RSPO2: variants seen among roughly 807,000 people sequenced by gnomAD.
RSPO2 encodes the protein R-spondin-2.
In RSPO2, 14 loss-of-function variants were observed where a neutral mutation model predicts 30.9. That is an observed-to-expected ratio of 0.45 (90% CI 0.30 to 0.71). RSPO2 has a LOEUF of 0.71. Among genes scored for constraint, RSPO2 ranks in the 30% least tolerant of loss-of-function variants. RSPO2 has a pLI of 0.08. For missense variants in RSPO2, 264 were observed against 301.9 expected (o/e 0.87, Z 0.93); for synonymous variants, 107 against 96.4 (o/e 1.11, Z -0.64).
chr8:108,033,752 T>C (rs774247755), intron 2 of RSPO2, among the ~76,000 whole-genome samples: 7 of 152,228 alleles, frequency 4.6e-5, no homozygotes, highest in African/African-American at 1.2e-4. Context: ...CAGACTCTTT[T>C]CAATGTCTTG....
At chr8:107,993,416 C>T (rs565337988) in intron 2 of RSPO2, among the ~76,000 whole-genome samples, 1 of 152,216 alleles carries the variant, frequency 6.6e-6, no homozygotes, top group Admixed American at 6.5e-5. Flanking sequence ...ATACACATGA[C>T]ATGAATGAAA....
At chr8:108,021,857 G>A (rs1251129749) in intron 2 of RSPO2, among the ~76,000 whole-genome samples, 2 of 151,990 alleles carry the variant, frequency 1.3e-5, no homozygotes, top group African/African-American at 4.8e-5. Flanking sequence ...ATGGGTTGAT[G>A]GGTGCAGCAA....
At chr8:108,017,427 G>C (rs974411956) in intron 2 of RSPO2, among the ~76,000 whole-genome samples, 1 of 152,140 alleles carries the variant, frequency 6.6e-6, no homozygotes, top group Non-Finnish European at 1.5e-5. Context: ...AGGAGGATGG[G>C]GAAAAGAAGT....
intron 2 of RSPO2, among the ~76,000 whole-genome samples, chr8:108,001,613 T>C (rs1162256673): frequency 6.6e-6 from 1 of 152,108 alleles, no homozygotes; most frequent in Non-Finnish European, 1.5e-5. Context: ...ACCAATAACA[T>C]TAATTAGTTG....
At chr8:108,070,896 A>G (rs1198070719) in intron 2 of RSPO2, among the ~76,000 whole-genome samples, 1 of 152,228 alleles carries the variant, frequency 6.6e-6, no homozygotes, top group Non-Finnish European at 1.5e-5. Context: ...TTCATAAAAT[A>G]CTTTTTTCTT....
intron 2 of RSPO2, among the ~76,000 whole-genome samples, chr8:108,004,170 G>C (rs1213979837): frequency 6.6e-6 from 1 of 152,130 alleles, no homozygotes. Flanking sequence ...CATCAAAAAG[G>C]ATAATGGGGG....
intron 2 of RSPO2, among the ~76,000 whole-genome samples, chr8:108,029,160 C>G (rs1317400127): frequency 1.4e-5 from 2 of 141,320 alleles, no homozygotes; most frequent in Non-Finnish European, 3.0e-5. Flanking sequence ...TCCAGCCCAC[C>G]ACATGTTTTT....
At chr8:107,932,518 G>C (rs1212202407) in intron 5 of RSPO2, among the ~76,000 whole-genome samples, 1 of 152,258 alleles carries the variant, frequency 6.6e-6, no homozygotes, top group East Asian at 1.9e-4. Context: ...ACGACATGCA[G>C]AAAGAGCTGG....
At chr8:107,965,824 CTTG>C (rs916963240) in intron 3 of RSPO2, among the ~76,000 whole-genome samples, 3 of 152,166 alleles carry the variant, frequency 2.0e-5, no homozygotes, top group African/African-American at 7.2e-5. Context: ...AAAAGCCATA[CTTG>C]TTGTAAAGAA....
Position 107,969,666 on chromosome 8 carries a change from AT to A in RSPO2, c.284-8850del, listed in dbSNP as rs1235215536. 3.9e-5 allele frequency among the ~76,000 whole-genome samples: 6 copies of A among 152,300 alleles called. No individual in the cohort carries two copies. In the South Asian group the frequency reaches 1.0e-3, roughly 26 times the overall value. On this transcript the variant is annotated intron_variant, in intron 3 of 5. Transcript: ENST00000276659. ...TAAGAACGTTAAATGCTTAAAGAGAATTTTTTTCCCATGGTGAAGGTGTGAA... is the reference window on the plus strand; with the variant it reads ...TAAGAACGTTAAATGCTTAAAGAGAATTTTTTCCCATGGTGAAGGTGTGAA...
At chr8:107,951,063 T>C (rs1403171623) in intron 5 of RSPO2, among the ~76,000 whole-genome samples, 2 of 151,154 alleles carry the variant, frequency 1.3e-5, no homozygotes, top group Non-Finnish European at 2.9e-5. Flanking sequence ...GTTGTTGTTG[T>C]TGTTGTTGTT....
chr8:107,961,313 G>C (rs751934557), intron 3 of RSPO2, among the ~76,000 whole-genome samples: 1 of 149,384 alleles, frequency 6.7e-6, no homozygotes, highest in Non-Finnish European at 1.5e-5. Flanking sequence ...ATTCATCAGA[G>C]GGTGACCTGG....
chr8:107,912,414 A>G (rs1244312431), intron 5 of RSPO2, among the ~76,000 whole-genome samples: 1 of 152,102 alleles, frequency 6.6e-6, no homozygotes, highest in Non-Finnish European at 1.5e-5. Flanking sequence ...ATCCCCCAAG[A>G]AGCAAGCAAG....
chr8:108,021,864 G>A (rs1008244791), intron 2 of RSPO2, among the ~76,000 whole-genome samples: 4 of 152,016 alleles, frequency 2.6e-5, no homozygotes, highest in Non-Finnish European at 4.4e-5. Context: ...GATGGGTGCA[G>A]CAAATCACCA....
At chr8:107,971,879 C>T (rs139082069) in intron 3 of RSPO2, among the ~76,000 whole-genome samples, 1 of 152,328 alleles carries the variant, frequency 6.6e-6, no homozygotes, top group East Asian at 1.9e-4. Context: ...ATGTACCTTT[C>T]ACCTTAGTCA....
At chr8:108,006,498 GA>G in intron 2 of RSPO2, among the ~76,000 whole-genome samples, 1 of 151,720 alleles carries the variant, frequency 6.6e-6, no homozygotes. Context: ...AAGTGAAAAG[GA>G]AAAGATCAAG....
intron 2 of RSPO2, among the ~76,000 whole-genome samples, chr8:108,065,172 TAAAAA>T (rs939525143): frequency 4.3e-5 from 6 of 140,234 alleles, no homozygotes; most frequent in Non-Finnish European, 6.2e-5. Context: ...AAGTATAAGT[TAAAAA>T]AAAAAGAGTA....
chr8:108,050,560 T>A (rs1039079399), intron 2 of RSPO2, among the ~76,000 whole-genome samples: 2 of 151,954 alleles, frequency 1.3e-5, no homozygotes, highest in Non-Finnish European at 2.9e-5. Flanking sequence ...ATTTCCAGTT[T>A]AAAAAAAAGA....
intron 2 of RSPO2, among the ~76,000 whole-genome samples, chr8:108,077,421 T>G (rs1320839672): frequency 6.6e-6 from 1 of 152,062 alleles, no homozygotes; most frequent in Admixed American, 6.5e-5. Context: ...GAAGAACAGG[T>G]GGAAGGTGGG....
Sources: gnomAD v4.1 joint callset for allele counts (sites outside exome capture counted in the v4.1 genomes callset) on GRCh38, gnomAD v4.1.1 for gene constraint, MANE v1.5 for transcripts, NCBI Gene and HGNC (gene_info 2026-07-23, HGNC 2026-07-21) for gene names.